NEB: variants seen among roughly 807,000 people sequenced by gnomAD.
NEB encodes nemaline myopathy type 2.
Under a neutral mutation model 952.2 loss-of-function variants are expected in NEB, and 512 were observed. That is an observed-to-expected ratio of 0.54 (90% confidence interval 0.50 to 0.58). NEB has a LOEUF of 0.58. NEB is among the 20% of genes least tolerant of loss of function. The pLI is 0.00. For synonymous variants in NEB, 2,900 were observed against 3,149.8 expected (o/e 0.92, Z 2.66); for missense variants, 8,428 against 9,231.1 (o/e 0.91, Z 3.56).
At chr2:151,627,960 G>T in intron 68 of NEB, 126 bp from the exon 69 acceptor site, 1 of 1,246,146 alleles carries the variant, frequency 8.0e-7, no homozygotes, top group Non-Finnish European at 1.1e-6. Flanking sequence ...CTGCATATCA[G>T]TTTATCTCCT....
Position 151,667,851 on chromosome 2 carries a change from C to T in NEB, c.4672G>A (p.Ala1558Thr), listed in dbSNP as rs1354146567. Residue 1558 changes from alanine to threonine, a missense_variant, in exon 40 of 182, where the codon GCC (alanine) becomes ACC (threonine). Coordinates refer to ENST00000397345, the MANE Select transcript of NEB (RefSeq NM_001164508.2). ...IAKGYDLRPD[A>T]IPIVAAKSSR... ...CTTTTTGCAGCAACAATTGGGATGG[C>T]ATCTGGTCTCAAATCATAGCCCTTG... 6.2e-7 allele frequency: 1 copy of T among 1,612,812 alleles called. No individual in the cohort carries two copies.
At chr2:151,545,777 C>A in intron 135 of NEB, 111 bp downstream of exon 135, 1 of 630,344 alleles carries the variant, frequency 1.6e-6, no homozygotes, top group Non-Finnish European at 2.8e-6. Context: ...AATATTTTAC[C>A]TGCCGCAGTT....
intron 161 of NEB, among the ~76,000 whole-genome samples, chr2:151,510,247 T>C (rs185571652): frequency 3.6e-4 from 55 of 152,324 alleles, no homozygotes; most frequent in African/African-American, 1.1e-3. Context: ...GGGAGTTTTT[T>C]TTAGACCCAC....
intron 40 of NEB, among the ~76,000 whole-genome samples, 174 bp downstream of exon 40, chr2:151,667,630 A>T (rs575043770): frequency 1.3e-5 from 2 of 152,142 alleles, no homozygotes; most frequent in South Asian, 4.2e-4. Context: ...TGGGTTAAAG[A>T]GATCCTCCCA....
intron 1 of NEB, 145 bp downstream of exon 1, chr2:151,734,253 T>G (rs1249784870): frequency 6.6e-6 from 1 of 152,132 alleles, no homozygotes; most frequent in Non-Finnish European, 1.5e-5. Context: ...AGGGCCTTAG[T>G]AGGGCAATGG....
intron 80 of NEB, among the ~76,000 whole-genome samples, 178 bp from the exon 81 acceptor site, chr2:151,610,298 T>C (rs2097900739): frequency 1.3e-5 from 2 of 152,258 alleles, no homozygotes; most frequent in African/African-American, 4.8e-5. Flanking sequence ...AATGTAATCA[T>C]ATATCTTCAT....
intron 1 of NEB, among the ~76,000 whole-genome samples, 165 bp from the exon 2 acceptor site, chr2:151,733,960 C>A (rs2099815206): frequency 6.6e-6 from 1 of 152,136 alleles, no homozygotes; most frequent in African/African-American, 2.4e-5. Flanking sequence ...TGAGTTGGAA[C>A]AGCTGTCCCT....
chr2:151,662,044 T>C lies in NEB; in HGVS notation c.5970+91A>G, dbSNP rs560651819. ...AAATAACCTCAAGTGTGATGCCCTA[T>C]AACTGTATTAGCAAAACCTGTGGAT... On this transcript the variant is annotated intron_variant, in intron 46 of 181. Coordinates refer to ENST00000397345, the MANE Select transcript of NEB (RefSeq NM_001164508.2). The C allele has an allele frequency of 1.1e-4, 122 of 1,139,930 alleles. No individual in the cohort carries two copies. The African/African-American group carries it at 1.7e-3, about 16-fold the overall frequency. 70.6% of individuals were successfully genotyped at this position (1,139,930 alleles called of 1,614,324 possible).
chr2:151,507,242 G>T, intron 162 of NEB: 1 of 433,246 alleles, frequency 2.3e-6, no homozygotes, highest in South Asian at 3.0e-5. Context: ...AGTATCCCTT[G>T]CTTAGTAGAT....
chr2:151,501,824 CAAAG>C (rs774350002), intron 167 of NEB, among the ~76,000 whole-genome samples: 9 of 151,394 alleles, frequency 5.9e-5, no homozygotes, highest in Non-Finnish European at 1.2e-4. Flanking sequence ...ATTAGGGAAC[CAAAG>C]AAAGAGGAGA....
chr2:151,518,232 CAATGGAGG>C, intron 156 of NEB, 78 bp downstream of exon 156: 1 of 960,396 alleles, frequency 1.0e-6, no homozygotes, highest in Non-Finnish European at 1.7e-6. Context: ...TTTTCTCAAA[CAATGGAGG>C]GAATCTATGA....
rs752140285 is a variant in NEB, at chr2:151,636,325, T to C, written c.9004A>G (p.Lys3002Glu). The C allele has an allele frequency of 1.2e-6, 2 of 1,605,432 alleles. No individual in the cohort carries two copies. Among genetic ancestry groups the C allele is most frequent in the Non-Finnish European group, 1.7e-6 (2 of 1,179,192 alleles). ...NKINYSESLY[K>E]LANEEAKKKG... ...TTCTTTGCTTCTTCATTAGCAAGTT[T>C]GTACAGACTCTAAATTTGGGGGAAA... Residue 3002 changes from lysine (K) to glutamate (E), a missense_variant, in exon 64 of 182, where the codon AAA becomes GAA. This residue lies in a region of NEB where 1,772 missense variants were observed against 1,960.3 expected (regional missense o/e 0.90). Coordinates refer to ENST00000397345, the MANE Select transcript of NEB (RefSeq NM_001164508.2).
chr2:151,684,182 C>G (rs1019602930), intron 28 of NEB, among the ~76,000 whole-genome samples: 1 of 152,098 alleles, frequency 6.6e-6, no homozygotes, highest in Non-Finnish European at 1.5e-5. Context: ...GAACTGTACA[C>G]TTGAAAATTG....
chr2:151,491,905 TCTTTTCCTCAGA>T (rs1175980849), intron 178 of NEB, 130 bp from the exon 179 acceptor site: 2 of 977,184 alleles, frequency 2.0e-6, no homozygotes, highest in Non-Finnish European at 3.0e-6. Context: ...CTGGGTCATG[TCTTTTCCTCAGA>T]GGAGAACAAA....
intron 12 of NEB, among the ~76,000 whole-genome samples, chr2:151,707,410 T>C (rs894494711): frequency 2.6e-5 from 4 of 152,166 alleles, no homozygotes; most frequent in African/African-American, 9.7e-5. Flanking sequence ...GCTACCTACC[T>C]GCCAACACGC....
intron 26 of NEB, 36 bp from the exon 27 acceptor site, chr2:151,687,568 C>G (rs1269289002): frequency 6.2e-7 from 1 of 1,612,904 alleles, no homozygotes; most frequent in South Asian, 1.1e-5. Context: ...TCCCACTCAC[C>G]AGGAAATGTC....
Position 151,493,795 on chromosome 2 carries a change from T to A in NEB, c.24652A>T (p.Asn8218Tyr). 1 of 1,582,086 alleles carries A rather than the reference T, an allele frequency of 6.3e-7. No homozygotes were observed. ...FTPEMERVKR[N>Y]QENFSSVLYK... ...AATACCGAGCTAAAGTTTTCTTGAT[T>A]GCGTTTCACTCTTTCCATCTCAGGA... Residue 8218 changes from asparagine (N) to tyrosine (Y), a missense_variant, in exon 175 of 182, where the codon AAT (asparagine) becomes TAT (tyrosine). This residue lies in a region of NEB where 3,374 missense variants were observed against 3,651.5 expected (regional missense o/e 0.92). Transcript: ENST00000397345.
At chr2:151,728,151 C>A (rs1049661714) in intron 4 of NEB, among the ~76,000 whole-genome samples, 4 of 152,178 alleles carry the variant, frequency 2.6e-5, no homozygotes, top group Non-Finnish European at 5.9e-5. Flanking sequence ...TACTTTGCAA[C>A]ATTGCCTTAA....
At chr2:151,538,492 C>T (rs1032943141) in intron 138 of NEB, among the ~76,000 whole-genome samples, 2 of 152,108 alleles carry the variant, frequency 1.3e-5, no homozygotes, top group Admixed American at 6.6e-5. Flanking sequence ...GGCAAATCTA[C>T]GATGGTGATA....
Sources: gnomAD v4.1 joint callset for allele counts (sites outside exome capture counted in the v4.1 genomes callset) on GRCh38, gnomAD v4.1.1 for gene constraint, gnomAD v4.1.1 regional missense constraint, MANE v1.5 for transcripts, NCBI Gene and HGNC (gene_info 2026-07-23, HGNC 2026-07-21) for gene names.